The following ASIC2 variants were observed in gnomAD, a reference collection of about 807,000 sequenced individuals.
The protein encoded by ASIC2 is acid-sensing ion channel 2.
In ASIC2, 25 loss-of-function variants were observed where a neutral mutation model predicts 57.3. The observed-to-expected ratio is 0.44, with a 90% CI of 0.32 to 0.61. The LOEUF (loss-of-function observed/expected upper bound fraction) is 0.61. Among genes scored for constraint, ASIC2 ranks in the 20% least tolerant of loss-of-function variants. The pLI is 0.06. For synonymous variants in ASIC2, 319 were observed against 307.5 expected, an observed-to-expected ratio of 1.04 and a Z score of -0.39; for missense variants, 641 against 738.1, an observed-to-expected ratio of 0.87 and a Z score of 1.52.
chr17:33,412,686 C>A (rs1357384858), intron 1 of ASIC2, among the ~76,000 whole-genome samples: 1 of 152,186 alleles, frequency 6.6e-6, no homozygotes, highest in East Asian at 1.9e-4. Flanking sequence ...AGTGGATAAA[C>A]ATAGGCATAG....
rs771579656 is a variant in ASIC2, at chr17:34,156,316, C to T, written c.217G>A (p.Val73Ile). The T allele has an allele frequency of 1.9e-6, 3 of 1,614,110 alleles. No individual in the cohort carries two copies. Among genetic ancestry groups the T allele is most frequent in the African/African-American group, 2.7e-5 (2 of 74,938 alleles). Reference sequence around the variant, plus strand: ...GCCACCACTTCGTCCACCTTAGTGACATGCTGGTAGGAGAAGTAGTAGGAC... The same window carrying T: ...GCCACCACTTCGTCCACCTTAGTGATATGCTGGTAGGAGAAGTAGTAGGAC... Residue 73 changes from valine (V) to isoleucine (I), a missense_variant, in exon 1 of 10, where the codon GTC becomes ATC. Val to Ile is a conservative substitution (Grantham distance 29). Transcript: ENST00000359872. The surrounding 1 kb of genome is among the most constrained non-coding windows in gnomAD (Gnocchi z 4.4).
At chr17:33,150,203 C>G (rs1904727969) in intron 1 of ASIC2, among the ~76,000 whole-genome samples, 1 of 152,210 alleles carries the variant, frequency 6.6e-6, no homozygotes, top group African/African-American at 2.4e-5. Context: ...GAGGAACCTT[C>G]ATCTAAGGCA....
At chr17:34,039,801 A>G (rs1447445418) in intron 1 of ASIC2, 18 of 1,609,876 alleles carry the variant, frequency 1.1e-5, no homozygotes, top group African/African-American at 2.7e-5. Context: ...CCTTACTAAC[A>G]CCTACTCCAG....
intron 1 of ASIC2, among the ~76,000 whole-genome samples, chr17:33,871,253 C>T (rs543251913): frequency 5.5e-4 from 84 of 152,240 alleles, no homozygotes; most frequent in African/African-American, 1.1e-3. Context: ...CATCACAGGG[C>T]GGAGGGAGAA....
intron 1 of ASIC2, among the ~76,000 whole-genome samples, chr17:33,474,094 T>A (rs2141921588): frequency 6.6e-6 from 1 of 152,268 alleles, no homozygotes; most frequent in Admixed American, 6.5e-5. Context: ...ATGCTGGATG[T>A]GGTGGCTTAC....
At chr17:33,404,558 T>A (rs1395863682) in intron 1 of ASIC2, among the ~76,000 whole-genome samples, 2 of 152,164 alleles carry the variant, frequency 1.3e-5, no homozygotes, top group Non-Finnish European at 2.9e-5. Flanking sequence ...TTCCAATCAG[T>A]TGCACTCCAG....
At chr17:33,824,230 A>T (rs6416976) in intron 1 of ASIC2, among the ~76,000 whole-genome samples, 123,419 of 152,006 alleles carry the variant, frequency 0.81, 50,461 homozygotes, top group African/African-American at 0.86. Flanking sequence ...ATATACTAAG[A>T]TTGGAAGCAC....
chr17:33,974,676 G>A (rs2142000377), intron 1 of ASIC2, among the ~76,000 whole-genome samples: 1 of 151,648 alleles, frequency 6.6e-6, no homozygotes, highest in Admixed American at 6.6e-5. Flanking sequence ...CAGTGCCCAT[G>A]AATTCCTCCA....
chr17:33,718,667 A>G (rs988315968), intron 1 of ASIC2, among the ~76,000 whole-genome samples: 5 of 152,158 alleles, frequency 3.3e-5, no homozygotes, highest in African/African-American at 1.2e-4. Context: ...CTCCGCAGAG[A>G]GAAGGGGCAA....
At chr17:34,071,538 A>G (rs1909402522) in intron 1 of ASIC2, 1 of 152,208 alleles carries the variant, frequency 6.6e-6, no homozygotes, top group Admixed American at 6.5e-5. Flanking sequence ...CGAATAGAAA[A>G]TCATTACTTA....
At chr17:33,237,230 G>A (rs1185268155) in intron 1 of ASIC2, among the ~76,000 whole-genome samples, 1 of 152,198 alleles carries the variant, frequency 6.6e-6, no homozygotes, top group African/African-American at 2.4e-5. Flanking sequence ...TGTTAGTGAG[G>A]CACAGAATGA....
At chr17:33,399,659 G>T (rs1296215776) in intron 1 of ASIC2, among the ~76,000 whole-genome samples, 4 of 152,136 alleles carry the variant, frequency 2.6e-5, no homozygotes, top group African/African-American at 4.8e-5. Flanking sequence ...ACAGTTTTGT[G>T]ATGCCCCTTC....
At chr17:33,417,634 A>C (rs1360065253) in intron 1 of ASIC2, among the ~76,000 whole-genome samples, 1 of 152,188 alleles carries the variant, frequency 6.6e-6, no homozygotes, top group Non-Finnish European at 1.5e-5. Flanking sequence ...TGTGCCTCAG[A>C]AAACACACTT....
intron 1 of ASIC2, among the ~76,000 whole-genome samples, chr17:33,714,985 T>TTTATTATTATTATTATTATTATTATTA (rs71364615): frequency 7.0e-6 from 1 of 142,200 alleles, no homozygotes; most frequent in Admixed American, 7.0e-5. Flanking sequence ...GCCAGGCTAA[T>TTTATTATTATTATTATTATTATTATTA]TTATTATTAT....
At chr17:33,475,649 A>G (rs149363973) in intron 1 of ASIC2, among the ~76,000 whole-genome samples, 95 of 152,332 alleles carry the variant, frequency 6.2e-4, no homozygotes, top group African/African-American at 2.1e-3. Context: ...CTGAAATTTC[A>G]TAAGAACCCA....
intron 2 of ASIC2, among the ~76,000 whole-genome samples, chr17:33,089,711 G>C (rs529500653): frequency 6.6e-6 from 1 of 152,344 alleles, no homozygotes; most frequent in South Asian, 2.1e-4. Context: ...ATATCAGGAG[G>C]AGGAAAACAT....
At chr17:33,131,014 A>C (rs1184705171) in intron 1 of ASIC2, among the ~76,000 whole-genome samples, 2 of 152,194 alleles carry the variant, frequency 1.3e-5, no homozygotes, top group Admixed American at 1.3e-4. Context: ...TCATCTGTAA[A>C]GTGGAAGATA....
chr17:33,149,056 T>A (rs1904678449), intron 1 of ASIC2, among the ~76,000 whole-genome samples: 1 of 152,240 alleles, frequency 6.6e-6, no homozygotes, highest in Admixed American at 6.5e-5. Flanking sequence ...ATCATGCTGC[T>A]GCACTCCAGC....
At chr17:33,970,849 A>G (rs1905209907) in intron 1 of ASIC2, among the ~76,000 whole-genome samples, 1 of 152,146 alleles carries the variant, frequency 6.6e-6, no homozygotes. Context: ...GGGCTGAGAA[A>G]TCTTCCCCCA....
Sources: gnomAD v4.1 joint callset for allele counts (sites outside exome capture counted in the v4.1 genomes callset) on GRCh38, gnomAD v4.1.1 for gene constraint, Gnocchi (gnomAD v3.1) non-coding constraint, MANE v1.5 for transcripts, NCBI Gene and HGNC (gene_info 2026-07-23, HGNC 2026-07-21) for gene names.